PCSK5: variants seen among roughly 807,000 people sequenced by gnomAD.
PCSK5 encodes the protein proprotein convertase subtilisin/kexin type 5.
A neutral mutation model predicts 233.2 loss-of-function variants in PCSK5; 129 were observed. The observed-to-expected ratio is 0.55, with a 90% CI of 0.48 to 0.64. PCSK5 has a LOEUF of 0.64. Ranked by LOEUF, PCSK5 falls within the 30% of genes least tolerant of loss-of-function variation. The pLI is 0.00. For synonymous variants in PCSK5, 825 were observed against 879.2 expected (o/e 0.94, Z 1.09); for missense variants, 2,076 against 2,430.1 (o/e 0.85, Z 3.06).
intron 20 of PCSK5, among the ~76,000 whole-genome samples, chr9:76,208,530 C>T (rs1180788629): frequency 2.0e-5 from 3 of 152,192 alleles, no homozygotes; most frequent in Non-Finnish European, 4.4e-5. Context: ...CTTTCTTCCT[C>T]ATTGAGACCT....
At chr9:75,967,789 T>G (rs959765887) in intron 2 of PCSK5, among the ~76,000 whole-genome samples, 1 of 152,008 alleles carries the variant, frequency 6.6e-6, no homozygotes, top group African/African-American at 2.4e-5. Flanking sequence ...GAGTCAGAGT[T>G]TCACTCTTGT....
intron 20 of PCSK5, among the ~76,000 whole-genome samples, chr9:76,205,603 A>G (rs1301196518): frequency 6.6e-6 from 1 of 152,172 alleles, no homozygotes; most frequent in East Asian, 1.9e-4. Flanking sequence ...GAATGTAGGG[A>G]CCATGTCTAA....
chr9:76,150,930 A>G (rs1823647852), intron 10 of PCSK5, among the ~76,000 whole-genome samples: 4 of 152,108 alleles, frequency 2.6e-5, no homozygotes, highest in Admixed American at 2.0e-4. Flanking sequence ...ATGAGACTGA[A>G]AAGTATCACT....
At chr9:75,958,416 A>G (rs746773128) in intron 2 of PCSK5, among the ~76,000 whole-genome samples, 1 of 152,204 alleles carries the variant, frequency 6.6e-6, no homozygotes, top group Admixed American at 6.5e-5. Flanking sequence ...TATGCTTAAC[A>G]GTGATTTACA....
intron 2 of PCSK5, among the ~76,000 whole-genome samples, chr9:75,971,998 C>G (rs573584434): frequency 6.6e-6 from 1 of 152,142 alleles, no homozygotes; most frequent in East Asian, 1.9e-4. Flanking sequence ...AAATCTTTGC[C>G]CATGCCTATG....
Position 76,296,872 on chromosome 9 carries a change from G to T in PCSK5, c.3523+7G>T. Reference sequence around the variant, plus strand: ...GAGGGCAAATTCTGGAATGGTATGTGCCCCCCAAAAAAGAGGTCACAGGGG... The same window carrying T: ...GAGGGCAAATTCTGGAATGGTATGTTCCCCCCAAAAAAGAGGTCACAGGGG... On this transcript the variant is annotated splice_region_variant and intron_variant, in intron 27 of 37. Coordinates refer to ENST00000674117, the MANE Select transcript of PCSK5 (RefSeq NM_001372043.1). 6.3e-7 allele frequency: 1 copy of T among 1,587,808 alleles called. No individual in the cohort carries two copies. The highest frequency in any genetic ancestry group is 8.6e-7 in the Non-Finnish European group (1 of 1,167,722).
intron 2 of PCSK5, among the ~76,000 whole-genome samples, chr9:75,959,458 G>A (rs1825239339): frequency 6.6e-6 from 1 of 152,160 alleles, no homozygotes; most frequent in Non-Finnish European, 1.5e-5. Context: ...CATGGGTTAA[G>A]GTTTGATGTA....
intron 2 of PCSK5, among the ~76,000 whole-genome samples, chr9:75,953,591 T>G (rs563435778): frequency 2.6e-5 from 4 of 152,252 alleles, no homozygotes; most frequent in African/African-American, 7.2e-5. Flanking sequence ...TCTTGCATTT[T>G]CTGTGAAAGC....
intron 24 of PCSK5, among the ~76,000 whole-genome samples, chr9:76,255,507 T>C (rs1227894600): frequency 6.6e-6 from 1 of 152,178 alleles, no homozygotes; most frequent in African/African-American, 2.4e-5. Context: ...TAATCTTCAA[T>C]GTAATTCTCT....
intron 2 of PCSK5, among the ~76,000 whole-genome samples, chr9:75,951,556 A>T (rs985226676): frequency 6.6e-6 from 1 of 152,182 alleles, no homozygotes; most frequent in African/African-American, 2.4e-5. Context: ...AAGGATAGAC[A>T]TAGAAAAATG....
intron 3 of PCSK5, among the ~76,000 whole-genome samples, chr9:76,013,308 CTTCA>C (rs1437716327): frequency 6.6e-6 from 1 of 152,220 alleles, no homozygotes; most frequent in East Asian, 1.9e-4. Flanking sequence ...ATGTGCACAG[CTTCA>C]TTGTTTTGTG....
At chr9:76,099,742 C>T (rs1010653659) in intron 8 of PCSK5, among the ~76,000 whole-genome samples, 7 of 152,144 alleles carry the variant, frequency 4.6e-5, no homozygotes, top group African/African-American at 1.7e-4. Flanking sequence ...TTTGGTCCCT[C>T]GGTGATGCCC....
At chr9:76,141,186 T>A (rs1368772861) in intron 10 of PCSK5, among the ~76,000 whole-genome samples, 2 of 152,122 alleles carry the variant, frequency 1.3e-5, no homozygotes, top group African/African-American at 4.8e-5. Context: ...CACTTATAAC[T>A]GGATTCTGAA....
At chr9:75,899,439 G>A (rs961275422) in intron 1 of PCSK5, among the ~76,000 whole-genome samples, 6 of 152,064 alleles carry the variant, frequency 3.9e-5, no homozygotes, top group Non-Finnish European at 4.4e-5. Flanking sequence ...GTATTATTAT[G>A]TTGTTTATCC....
chr9:76,159,654 C>T (rs1228984896), intron 12 of PCSK5, among the ~76,000 whole-genome samples: 1 of 152,172 alleles, frequency 6.6e-6, no homozygotes, highest in Non-Finnish European at 1.5e-5. Context: ...TTTATCCCAA[C>T]TACTCAACTC....
At chr9:76,086,877 A>G (rs4745496) in intron 7 of PCSK5, among the ~76,000 whole-genome samples, 15,955 of 152,246 alleles carry the variant, frequency 0.1, 1,270 homozygotes, top group East Asian at 0.36. Context: ...TCCATAGGAC[A>G]TTATTCAGCT....
intron 3 of PCSK5, among the ~76,000 whole-genome samples, chr9:75,995,405 G>C (rs1404307129): frequency 6.6e-6 from 1 of 152,130 alleles, no homozygotes; most frequent in Non-Finnish European, 1.5e-5. Context: ...AACATTATTT[G>C]TGCTCATGTT....
chr9:76,059,078 G>A (rs1269918359), intron 5 of PCSK5, among the ~76,000 whole-genome samples: 2 of 152,210 alleles, frequency 1.3e-5, no homozygotes, highest in African/African-American at 4.8e-5. Flanking sequence ...CATGATTGAA[G>A]GTAGCTAAAG....
chr9:76,160,694 A>T (rs1303116085), intron 12 of PCSK5, among the ~76,000 whole-genome samples: 4 of 152,086 alleles, frequency 2.6e-5, no homozygotes, highest in African/African-American at 9.7e-5. Flanking sequence ...AACTTCATCT[A>T]CTATAGGACA....
Sources: gnomAD v4.1 joint callset for allele counts (sites outside exome capture counted in the v4.1 genomes callset) on GRCh38, gnomAD v4.1.1 for gene constraint, MANE v1.5 for transcripts, NCBI Gene and HGNC (gene_info 2026-07-23, HGNC 2026-07-21) for gene names.